The following MTREX variants were observed in gnomAD, a reference collection of about 807,000 sequenced individuals.
MTREX encodes the protein Mtr4 exosome RNA helicase.
A neutral mutation model predicts 135.4 loss-of-function variants in MTREX; 76 were observed. The observed-to-expected ratio is 0.56, with a 90% CI of 0.47 to 0.68. MTREX has a LOEUF of 0.68. MTREX is among the 30% of genes least tolerant of loss of function. The probability of loss-of-function intolerance (pLI) is 0.00; values close to 1 mark genes in which losing one functional copy is unlikely to be tolerated. For missense variants in MTREX, 920 were observed against 1,262.1 expected (o/e 0.73, Z 4.11); for synonymous variants, 404 against 401.6 (o/e 1.01, Z -0.07).
At chr5:55,368,135 C>T (rs1438921414) in intron 16 of MTREX, among the ~76,000 whole-genome samples, 1 of 152,094 alleles carries the variant, frequency 6.6e-6, no homozygotes, top group Admixed American at 6.6e-5. Flanking sequence ...TATTTAGTAG[C>T]TCATTGATTC....
intron 10 of MTREX, among the ~76,000 whole-genome samples, chr5:55,345,914 C>A (rs1749725165): frequency 1.3e-5 from 2 of 152,108 alleles, no homozygotes; most frequent in African/African-American, 2.4e-5. Context: ...GTGATATGCC[C>A]ATCGTGGCCT....
intron 1 of MTREX, among the ~76,000 whole-genome samples, chr5:55,315,434 G>A (rs993248168): frequency 2.6e-5 from 4 of 152,178 alleles, no homozygotes; most frequent in Middle Eastern, 3.4e-3. Context: ...CATCTGATCC[G>A]TTTTAAACCA....
chr5:55,379,934 A>C (rs73122251), intron 18 of MTREX, among the ~76,000 whole-genome samples: 21,358 of 151,630 alleles, frequency 0.14, 1,897 homozygotes, highest in East Asian at 0.26. Context: ...TTTTTTGTTT[A>C]TTTTTTTTCT....
Position 55,425,359 on chromosome 5 carries a change from A to T in MTREX, c.*587A>T. On this transcript the variant is annotated 3_prime_UTR_variant, in exon 27 of 27. Coordinates refer to ENST00000230640, the MANE Select transcript of MTREX (RefSeq NM_015360.5). ...CCTACAGTGCAAAATATTTAATGGT[A>T]TAATTTAGATCAAGTTAAAAACTAC... 1 of 1,557,316 alleles carries T rather than the reference A, an allele frequency of 6.4e-7. No homozygotes were observed.
chr5:55,329,056 G>A (rs1178794749), intron 5 of MTREX, among the ~76,000 whole-genome samples: 3 of 152,074 alleles, frequency 2.0e-5, no homozygotes. Flanking sequence ...GATATTACCT[G>A]TTGGTTTTTC....
chr5:55,378,261 A>T, intron 16 of MTREX, 53 bp from the exon 17 acceptor site: 1 of 1,497,918 alleles, frequency 6.7e-7, no homozygotes, highest in Non-Finnish European at 8.9e-7. Context: ...TCTTGGGTAT[A>T]ATTTAAATAA....
rs145985491 is a variant in MTREX at position 55,327,814 on chromosome 5, G to T, written c.402+36G>T. The T allele has an allele frequency of 4.4e-4, 624 of 1,414,502 alleles. 3 individuals are homozygous for T. The East Asian group carries it at 0.013, about 30-fold the overall frequency. 87.6% of individuals were successfully genotyped at this position (1,414,502 alleles called of 1,614,324 possible). ...TGGGTAATACAGTTTATATAGTTTC[G>T]TGAGACTCTCTTTTTCTTAAAATTC... On this transcript the variant is annotated intron_variant, in intron 4 of 26. Transcript: ENST00000230640.
At chr5:55,368,845 G>A (rs950010494) in intron 16 of MTREX, among the ~76,000 whole-genome samples, 1 of 152,006 alleles carries the variant, frequency 6.6e-6, no homozygotes, top group Admixed American at 6.5e-5. Flanking sequence ...CTTAAAATGT[G>A]AGCTGGATGA....
Position 55,416,133 on chromosome 5 carries a change from G to T in MTREX, c.2971+1G>T. ...TGCAAAATGACAGATGTCTTTGAAG[G>T]TATGGTTAAATTTTACACATATATA... is the stretch of plus-strand genomic sequence containing the variant. On this transcript the variant is annotated splice_donor_variant, in intron 25 of 26. Coordinates refer to ENST00000230640, the MANE Select transcript of MTREX (RefSeq NM_015360.5). LOFTEE classifies it high-confidence loss of function. 2 of 1,575,396 alleles carry T rather than the reference G, an allele frequency of 1.3e-6. No homozygotes were observed. Among genetic ancestry groups the T allele is most frequent in the Non-Finnish European group, 1.7e-6 (2 of 1,165,942 alleles).
intron 13 of MTREX, among the ~76,000 whole-genome samples, chr5:55,352,021 TTTTTGTTTTG>T (rs559247967): frequency 1.4e-4 from 19 of 131,916 alleles, no homozygotes; most frequent in African/African-American, 2.5e-4. Flanking sequence ...TTTGTTTTTG[TTTTTGTTTTG>T]TTTTGTTTTG....
intron 18 of MTREX, among the ~76,000 whole-genome samples, chr5:55,384,453 T>C (rs999968915): frequency 1.3e-5 from 2 of 152,256 alleles, no homozygotes; most frequent in African/African-American, 4.8e-5. Flanking sequence ...CCTTGATTCT[T>C]TGAATATATT....
chr5:55,327,558 A>G (rs1252157096), intron 3 of MTREX, 158 bp from the exon 4 acceptor site: 2 of 577,142 alleles, frequency 3.5e-6, no homozygotes, highest in Non-Finnish European at 6.1e-6. Context: ...CCTTGTTCTT[A>G]AAGACAGTTA....
intron 14 of MTREX, chr5:55,356,870 A>T: frequency 6.1e-6 from 1 of 164,922 alleles, no homozygotes; most frequent in Middle Eastern, 8.8e-4. Flanking sequence ...ATGATCTTGG[A>T]GTCAGTGCCT....
rs767037547 is a variant in MTREX at position 55,416,095 on chromosome 5, A to G, written c.2934A>G (p.Thr978=). 7 of 1,590,848 alleles carry G rather than the reference A, an allele frequency of 4.4e-6. No individual in the cohort carries two copies. The highest frequency in any genetic ancestry group is 2.3e-5 in the East Asian group (1 of 43,482). The change falls in exon 25 of 27, where the codon ACA becomes ACG. Residue 978 remains threonine (T), a synonymous_variant. Coordinates refer to ENST00000230640, the MANE Select transcript of MTREX (RefSeq NM_015360.5). ...TATATACCTGGGCAACTGGAGCTACATTTGCCCATATCTGCAAAATGACAG... is the reference window on the plus strand; with the variant it reads ...TATATACCTGGGCAACTGGAGCTACGTTTGCCCATATCTGCAAAATGACAG... ...DVVYTWATGA[T]FAHICKMTDV...
At chr5:55,318,716 A>G (rs142163363) in intron 1 of MTREX, among the ~76,000 whole-genome samples, 6 of 152,210 alleles carry the variant, frequency 3.9e-5, no homozygotes, top group East Asian at 1.9e-4. Flanking sequence ...AACCCCCATG[A>G]CGTGTTTACC....
chr5:55,421,573 T>C (rs890529263), intron 25 of MTREX, among the ~76,000 whole-genome samples: 4 of 152,250 alleles, frequency 2.6e-5, no homozygotes, highest in African/African-American at 9.6e-5. Context: ...ATTTACTTCG[T>C]ATGGTTTGGT....
intron 3 of MTREX, 51 bp downstream of exon 3, chr5:55,324,249 T>C (rs760783304): frequency 7.5e-7 from 1 of 1,328,860 alleles, no homozygotes; most frequent in Non-Finnish European, 1.1e-6. Flanking sequence ...GGATTTTTCT[T>C]TGGACTATCT....
intron 6 of MTREX, among the ~76,000 whole-genome samples, chr5:55,341,139 A>T (rs994396660): frequency 2.0e-5 from 3 of 151,970 alleles, no homozygotes; most frequent in Non-Finnish European, 2.9e-5. Flanking sequence ...ATGGAAGTTT[A>T]TTTTCCATTT....
At chr5:55,420,686 G>A (rs965096217) in intron 25 of MTREX, among the ~76,000 whole-genome samples, 1 of 152,184 alleles carries the variant, frequency 6.6e-6, no homozygotes, top group African/African-American at 2.4e-5. Context: ...AAGCATAGAC[G>A]TGGTTGCCAT....
Sources: gnomAD v4.1 joint callset for allele counts (sites outside exome capture counted in the v4.1 genomes callset) on GRCh38, gnomAD v4.1.1 for gene constraint, MANE v1.5 for transcripts, NCBI Gene and HGNC (gene_info 2026-07-23, HGNC 2026-07-21) for gene names.